Variants in ADGRL3 observed in about 807,000 individuals in gnomAD.
ADGRL3 encodes adhesion G protein-coupled receptor L3, also known as calcium-independent alpha-latrotoxin receptor 3.
In ADGRL3, 62 loss-of-function variants were observed where a neutral mutation model predicts 153.5. The ratio of observed to expected loss-of-function variants is 0.40; its 90% CI spans 0.33 to 0.50. The LOEUF is 0.50. Ranked by LOEUF, ADGRL3 falls within the 20% of genes least tolerant of loss-of-function variation. The pLI, the probability that ADGRL3 is intolerant of heterozygous loss-of-function variation, is 0.47. For synonymous variants in ADGRL3, 710 were observed against 672.5 expected, an observed-to-expected ratio of 1.06 and a Z score of -0.86; for missense variants, 1,641 against 1,859.4, an observed-to-expected ratio of 0.88 and a Z score of 2.16.
chr4:61,563,936 G>A (rs926470360), intron 4 of ADGRL3, among the ~76,000 whole-genome samples: 1 of 152,098 alleles, frequency 6.6e-6, no homozygotes, highest in Non-Finnish European at 1.5e-5. Flanking sequence ...TGAACTGGGG[G>A]AGGCGCAGAT....
At chr4:61,888,506 G>A (rs1006140773) in intron 9 of ADGRL3, among the ~76,000 whole-genome samples, 3 of 152,140 alleles carry the variant, frequency 2.0e-5, no homozygotes, top group Non-Finnish European at 4.4e-5. Context: ...CCTTTCTTGG[G>A]CGCTGGTGAC....
rs752207710 is a variant in ADGRL3 at position 61,948,290 on chromosome 4, C to T, written c.2805+14C>T. 12 of 1,599,718 alleles carry T rather than the reference C, an allele frequency of 7.5e-6. No individual in the cohort carries two copies. The highest frequency in any genetic ancestry group is 2.7e-5 in the African/African-American group (2 of 74,604). Reference sequence around the variant, plus strand: ...GTGGAAGTTAAGGTAAGATATATACCATACAATGAAAATGTTTTAGTATAT... The same window carrying T: ...GTGGAAGTTAAGGTAAGATATATACTATACAATGAAAATGTTTTAGTATAT... On this transcript the variant is annotated intron_variant, in intron 17 of 26. Coordinates refer to ENST00000683033, the MANE Select transcript of ADGRL3 (RefSeq NM_001387552.1).
intron 9 of ADGRL3, among the ~76,000 whole-genome samples, chr4:61,834,428 A>T (rs2097910451): frequency 6.6e-6 from 1 of 152,134 alleles, no homozygotes; most frequent in African/African-American, 2.4e-5. Context: ...ATACGTGTGC[A>T]TGTGTCTTTA....
At chr4:61,874,991 G>T (rs1332510819) in intron 9 of ADGRL3, among the ~76,000 whole-genome samples, 4 of 150,956 alleles carry the variant, frequency 2.6e-5, no homozygotes, top group Non-Finnish European at 5.9e-5. Context: ...TGTATTTTTA[G>T]TAGAGACGGG....
At chr4:61,592,325 G>C (rs1162278428) in intron 5 of ADGRL3, among the ~76,000 whole-genome samples, 1 of 152,040 alleles carries the variant, frequency 6.6e-6, no homozygotes, top group Non-Finnish European at 1.5e-5. Flanking sequence ...GAGTTATTCC[G>C]CTCAAGTATT....
rs1406401772 is a variant in ADGRL3 at position 62,005,459 on chromosome 4, T to C, written c.3395+7194T>C. Among the ~76,000 whole-genome samples, 53 of 152,140 alleles carry C rather than the reference T, an allele frequency of 3.5e-4. 1 individual carries two copies. The highest frequency in any genetic ancestry group is 1.3e-4 in the Non-Finnish European group (9 of 68,000). On this transcript the variant is annotated intron_variant, in intron 21 of 26. Coordinates refer to ENST00000683033, the MANE Select transcript of ADGRL3 (RefSeq NM_001387552.1). ...CCTTGAGATCAAATTATAGTTTCAC[T>C]TTTCCCCAAAATAATTAGGTTTCTA...
chr4:61,983,529 C>G lies in ADGRL3; in HGVS notation c.3162C>G (p.Val1054=), dbSNP rs184350895. The G allele has an allele frequency of 6.2e-7, 1 of 1,613,862 alleles. No individual in the cohort carries two copies. Among genetic ancestry groups the G allele is most frequent in the Admixed American group, 1.7e-5 (1 of 60,000 alleles). ...CACGTAGGAAATACTTTTATCTGGT[C>G]GGCTATGGGATGCCTGCACTCATTG... The part of the protein sequence containing the change: ...EHSRRKYFYL[V]GYGMPALIVA... Residue 1054 remains valine, a synonymous_variant, in exon 19 of 27, where the codon GTC becomes GTG. Transcript: ENST00000683033.
chr4:62,070,790 ATACT>A lies in ADGRL3; in HGVS notation c.4519_4522del (p.Tyr1507ThrfsTer3). ...TCCAGAAACCACGTCCATCAGCTGC[ATACT>A]TACTACCAGCTAGGTCGCGGCAGCA... On this transcript the variant is annotated frameshift_variant, in exon 27 of 27. Transcript: ENST00000683033. LOFTEE classifies it high-confidence loss of function. The A allele has an allele frequency of 6.4e-7, 1 of 1,551,720 alleles. No homozygotes were observed. Among genetic ancestry groups the A allele is most frequent in the Non-Finnish European group, 8.7e-7 (1 of 1,146,990 alleles).
chr4:61,869,459 G>A (rs1240277446), intron 9 of ADGRL3, among the ~76,000 whole-genome samples: 15 of 151,530 alleles, frequency 9.9e-5, no homozygotes, highest in Admixed American at 9.2e-4. Context: ...TTAGCCGGGC[G>A]CGGTGGCGGG....
At chr4:61,870,284 T>C (rs2149377290) in intron 9 of ADGRL3, among the ~76,000 whole-genome samples, 1 of 152,202 alleles carries the variant, frequency 6.6e-6, no homozygotes, top group South Asian at 2.1e-4. Flanking sequence ...GTTGGACCTA[T>C]CCCTTATACT....
chr4:61,292,066 A>G (rs2094240260), intron 1 of ADGRL3, among the ~76,000 whole-genome samples: 1 of 151,610 alleles, frequency 6.6e-6, no homozygotes, highest in Non-Finnish European at 1.5e-5. Context: ...ATGAGATGGA[A>G]ACTGTGTACT....
intron 4 of ADGRL3, among the ~76,000 whole-genome samples, chr4:61,537,785 A>T (rs2098665970): frequency 6.6e-6 from 1 of 152,206 alleles, no homozygotes; most frequent in Admixed American, 6.5e-5. Context: ...TTCGATTAAG[A>T]TCAAGTATTT....
intron 5 of ADGRL3, among the ~76,000 whole-genome samples, chr4:61,639,472 C>T (rs1365491482): frequency 6.6e-6 from 1 of 152,006 alleles, no homozygotes; most frequent in Admixed American, 6.6e-5. Context: ...GTTATCAAAA[C>T]CTATACTATA....
chr4:61,933,055 G>T lies in ADGRL3; in HGVS notation c.2113-1785G>T, dbSNP rs187244527. Among the ~76,000 whole-genome samples the T allele has an allele frequency of 1.5e-4, 23 of 151,522 alleles. 1 individual carries two copies. The East Asian group carries it at 4.5e-3, about 29-fold the overall frequency. On this transcript the variant is annotated intron_variant, in intron 13 of 26. Coordinates refer to ENST00000683033, the MANE Select transcript of ADGRL3 (RefSeq NM_001387552.1). Reference sequence around the variant, plus strand: ...CCCAATAAAATTTCCCCTTAGGTAAGATTTTAATTAATTATTATAAGATTA... The same window carrying T: ...CCCAATAAAATTTCCCCTTAGGTAATATTTTAATTAATTATTATAAGATTA...
chr4:61,687,882 G>A (rs181915031), intron 6 of ADGRL3, among the ~76,000 whole-genome samples: 72 of 152,016 alleles, frequency 4.7e-4, no homozygotes, highest in Admixed American at 3.8e-3. Context: ...TTACAGTTCT[G>A]CTTTGTATGT....
chr4:61,567,535 C>T (rs1406074677), intron 4 of ADGRL3, among the ~76,000 whole-genome samples: 1 of 152,116 alleles, frequency 6.6e-6, no homozygotes, highest in Non-Finnish European at 1.5e-5. Flanking sequence ...GGAAGGGGTC[C>T]TCACTAGACA....
At chr4:61,578,199 G>GAGTT (rs1232146408) in intron 4 of ADGRL3, among the ~76,000 whole-genome samples, 2 of 151,998 alleles carry the variant, frequency 1.3e-5, no homozygotes, top group Non-Finnish European at 2.9e-5. Context: ...CACCCAAGGA[G>GAGTT]AGTTATTGCA....
intron 17 of ADGRL3, among the ~76,000 whole-genome samples, chr4:61,964,195 T>G (rs1172745368): frequency 6.6e-6 from 1 of 152,224 alleles, no homozygotes; most frequent in African/African-American, 2.4e-5. Flanking sequence ...TTCCCATTAT[T>G]AATTGATCAA....
chr4:61,861,497 C>T (rs2098339721), intron 9 of ADGRL3, among the ~76,000 whole-genome samples: 1 of 151,882 alleles, frequency 6.6e-6, no homozygotes, highest in Non-Finnish European at 1.5e-5. Flanking sequence ...AAAGTCAAGC[C>T]AAAATAGATA....
Sources: gnomAD v4.1 joint callset for allele counts (sites outside exome capture counted in the v4.1 genomes callset) on GRCh38, gnomAD v4.1.1 for gene constraint, MANE v1.5 for transcripts, NCBI Gene and HGNC (gene_info 2026-07-23, HGNC 2026-07-21) for gene names.